Variants in ERN1 observed in about 807,000 individuals in gnomAD.
ERN1 encodes endoplasmic reticulum to nucleus signaling 1.
A neutral mutation model predicts 113.1 loss-of-function variants in ERN1; 39 were observed. The ratio of observed to expected loss-of-function variants is 0.34; its 90% CI spans 0.27 to 0.45. The LOEUF is 0.45. ERN1 is among the 20% of genes least tolerant of loss of function. The pLI, the probability that ERN1 is intolerant of heterozygous loss-of-function variation, is 1.00. For synonymous variants in ERN1, 507 were observed against 515.9 expected, an observed-to-expected ratio of 0.98 and a Z score of 0.23; for missense variants, 976 against 1,274.8, an observed-to-expected ratio of 0.77 and a Z score of 3.57.
chr17:64,069,019 G>T (rs542778543), intron 6 of ERN1, among the ~76,000 whole-genome samples: 5 of 152,154 alleles, frequency 3.3e-5, no homozygotes, highest in African/African-American at 1.2e-4. Flanking sequence ...ACTGAATATC[G>T]CTGGAAAAGA....
At chr17:64,053,660 G>C (rs1912761356) in intron 15 of ERN1, among the ~76,000 whole-genome samples, 1 of 152,138 alleles carries the variant, frequency 6.6e-6, no homozygotes, top group African/African-American at 2.4e-5. Flanking sequence ...AGCAAAAGGA[G>C]CTTGCTGGAT....
chr17:64,092,103 G>A (rs1249334888), intron 2 of ERN1, among the ~76,000 whole-genome samples: 1 of 152,106 alleles, frequency 6.6e-6, no homozygotes, highest in Non-Finnish European at 1.5e-5. Context: ...GGTGCGGGGG[G>A]CATGGATGGT....
chr17:64,103,773 A>G (rs1416384361), intron 1 of ERN1, among the ~76,000 whole-genome samples: 1 of 152,236 alleles, frequency 6.6e-6, no homozygotes. Context: ...TTCATTTAGA[A>G]AAAGTTTTCA....
intron 1 of ERN1, among the ~76,000 whole-genome samples, chr17:64,124,989 G>A (rs1260680264): frequency 1.3e-5 from 2 of 152,166 alleles, no homozygotes; most frequent in Non-Finnish European, 2.9e-5. Flanking sequence ...GAAACGGTGT[G>A]TAACAGCTAA....
chr17:64,059,883 G>A (rs929351901), intron 11 of ERN1, among the ~76,000 whole-genome samples: 2 of 132,418 alleles, frequency 1.5e-5, no homozygotes, highest in Non-Finnish European at 1.6e-5. Flanking sequence ...TAGCAATAGG[G>A]TCTTGCTATG....
At chr17:64,053,144 C>G (rs1912741420) in intron 16 of ERN1, 128 bp downstream of exon 16, 2 of 921,048 alleles carry the variant, frequency 2.2e-6, no homozygotes, top group Non-Finnish European at 3.2e-6. Context: ...CACCACTCAT[C>G]TTTGCTACTG....
chr17:64,113,508 G>A (rs1035879025), intron 1 of ERN1, among the ~76,000 whole-genome samples: 2 of 151,548 alleles, frequency 1.3e-5, no homozygotes, highest in Non-Finnish European at 2.9e-5. Flanking sequence ...TGCCCTTTAC[G>A]TAAATCTTTT....
intron 17 of ERN1, among the ~76,000 whole-genome samples, chr17:64,050,082 G>C (rs960284230): frequency 1.3e-5 from 2 of 152,220 alleles, no homozygotes; most frequent in Non-Finnish European, 2.9e-5. Context: ...CCCCAGATGA[G>C]AACGTGGACA....
chr17:64,083,233 A>G (rs1327887715), intron 2 of ERN1, among the ~76,000 whole-genome samples: 1 of 152,186 alleles, frequency 6.6e-6, no homozygotes, highest in African/African-American at 2.4e-5. Context: ...CTCTGTACAT[A>G]TGGTTAAATT....
intron 2 of ERN1, among the ~76,000 whole-genome samples, chr17:64,096,219 C>A (rs1224466675): frequency 1.3e-5 from 2 of 152,252 alleles, no homozygotes; most frequent in African/African-American, 4.8e-5. Context: ...GTATTTACAG[C>A]CGCTCCTTGT....
intron 12 of ERN1, 88 bp downstream of exon 12, chr17:64,057,714 G>C (rs1912917430): frequency 1.6e-6 from 2 of 1,255,436 alleles, no homozygotes; most frequent in Admixed American, 1.9e-5. Context: ...TGTGCTGGTT[G>C]TTTTTGTCTG....
rs190414833 is a variant in ERN1, at chr17:64,074,996, T to C, written c.355+179A>G. On this transcript the variant is annotated intron_variant, in intron 5 of 21. Transcript: ENST00000433197. ...TAATGATGTCAATTCTTCTCCCAAG[T>C]TGGGGGAGCCCTTTCTTAATTGGTC... is the stretch of plus-strand genomic sequence containing the variant. 3.4e-5 allele frequency: 20 copies of C among 595,780 alleles called. No individual in the cohort carries two copies. The East Asian group carries it at 5.6e-4, about 17-fold the overall frequency. 36.9% of individuals were successfully genotyped at this position (595,780 alleles called of 1,614,324 possible).
chr17:64,051,411 A>C lies in ERN1; in HGVS notation c.2253+1369T>G, dbSNP rs1912679549. Among the ~76,000 whole-genome samples, 4 of 152,332 alleles carry C rather than the reference A, an allele frequency of 2.6e-5. No individual in the cohort carries two copies. The South Asian group carries it at 8.3e-4, about 32-fold the overall frequency. ...AGAGATCAGCTGTAGCATCACTAAG[A>C]GGAGGTGATAATAATCTTACAGATA... On this transcript the variant is annotated intron_variant, in intron 17 of 21. Transcript: ENST00000433197.
In ERN1 at chr17:64,043,281, G is replaced by A; in HGVS notation, c.*707C>T. 6.5e-6 allele frequency: 1 copy of A among 152,710 alleles called. No individual in the cohort carries two copies. Among genetic ancestry groups the A allele is most frequent in the Non-Finnish European group, 1.5e-5 (1 of 68,232 alleles). 9.5% of individuals were successfully genotyped at this position (152,710 alleles called of 1,614,324 possible). Reference sequence around the variant, plus strand: ...CCAAAGGCCACTGTTCTGGCCACTGGCACTGGGCCACGGCTGCCTCCAGAA... The same window carrying A: ...CCAAAGGCCACTGTTCTGGCCACTGACACTGGGCCACGGCTGCCTCCAGAA... On this transcript the variant is annotated 3_prime_UTR_variant, in exon 22 of 22. Coordinates refer to ENST00000433197, the MANE Select transcript of ERN1 (RefSeq NM_001433.5).
intron 5 of ERN1, among the ~76,000 whole-genome samples, chr17:64,073,397 C>T (rs1176866038): frequency 1.4e-5 from 2 of 147,518 alleles, no homozygotes; most frequent in Non-Finnish European, 3.0e-5. Flanking sequence ...GGATGGTCTC[C>T]ATCTCCTGAC....
Position 64,057,710 on chromosome 17 carries a change from G to A in ERN1, c.1398+92C>T. ...TTTTAAATGGGGAAAGAAATGTGCT[G>A]GTTGTTTTTGTCTGGATCTCACTGA... On this transcript the variant is annotated intron_variant, in intron 12 of 21. Transcript: ENST00000433197. 4 of 1,201,624 alleles carry A rather than the reference G, an allele frequency of 3.3e-6. No homozygotes were observed. The East Asian group carries it at 9.7e-5, about 29-fold the overall frequency. The allele number at this position is 1,201,624 out of a possible 1,614,324, so 74.4% of individuals were successfully genotyped here.
At chr17:64,076,601 C>T (rs1913597730) in intron 4 of ERN1, among the ~76,000 whole-genome samples, 1 of 61,356 alleles carries the variant, frequency 1.6e-5, no homozygotes, top group South Asian at 9.5e-4. Context: ...TGAAGGGCAT[C>T]CTCTTTTTTT....
At chr17:64,096,957 T>C (rs2143451057) in intron 2 of ERN1, among the ~76,000 whole-genome samples, 1 of 152,368 alleles carries the variant, frequency 6.6e-6, no homozygotes, top group Admixed American at 6.5e-5. Context: ...TCAATTCTTG[T>C]GTGATTTGTT....
In ERN1 at chr17:64,082,787, A is replaced by C. The variant is rs573211720; in HGVS notation, c.176-1979T>G. ...ATCAGGAAGGTTCCAGTTAAGATTC[A>C]GGACATTGGCAGGAGACAGGGGAAG... is the stretch of plus-strand genomic sequence containing the variant. On this transcript the variant is annotated intron_variant, in intron 2 of 21. Transcript: ENST00000433197. Among the ~76,000 whole-genome samples, 47 of 152,292 alleles carry C rather than the reference A, an allele frequency of 3.1e-4. No homozygotes were observed. The South Asian group carries it at 3.3e-3, about 11-fold the overall frequency.
Sources: gnomAD v4.1 joint callset for allele counts (sites outside exome capture counted in the v4.1 genomes callset) on GRCh38, gnomAD v4.1.1 for gene constraint, MANE v1.5 for transcripts, NCBI Gene and HGNC (gene_info 2026-07-23, HGNC 2026-07-21) for gene names.